The following COL26A1 variants were observed in gnomAD, a reference collection of about 807,000 sequenced individuals.
The protein encoded by COL26A1 is collagen alpha-1(XXVI) chain.
Under a neutral mutation model 59.3 loss-of-function variants are expected in COL26A1, and 41 were observed. That is an observed-to-expected ratio of 0.69 (90% CI 0.54 to 0.90). COL26A1 has a LOEUF of 0.90. COL26A1 is among the 40% of genes least tolerant of loss of function. The pLI, the probability that COL26A1 is intolerant of heterozygous loss-of-function variation, is 0.00. For missense variants in COL26A1, 612 were observed against 602.3 expected (o/e 1.02, Z -0.17); for synonymous variants, 266 against 256.0 (o/e 1.04, Z -0.37).
chr7:101,466,758 G>C (rs1793766711), intron 3 of COL26A1, among the ~76,000 whole-genome samples: 1 of 150,660 alleles, frequency 6.6e-6, no homozygotes, highest in South Asian at 2.1e-4. Flanking sequence ...TAGATGCTTA[G>C]GACTGAGATG....
chr7:101,512,996 T>TTTATTA (rs60374143), intron 3 of COL26A1, among the ~76,000 whole-genome samples: 14,200 of 149,530 alleles, frequency 0.095, 800 homozygotes, highest in Middle Eastern at 0.16. Context: ...TTTTTACAAT[T>TTTATTA]TTATTATTAT....
chr7:101,390,967 T>C (rs1791714666), intron 1 of COL26A1, among the ~76,000 whole-genome samples: 1 of 152,160 alleles, frequency 6.6e-6, no homozygotes, highest in Admixed American at 6.6e-5. Flanking sequence ...ATCCTTTCCC[T>C]CTCTAGGTCT....
At chr7:101,401,346 C>G (rs1033096854) in intron 1 of COL26A1, among the ~76,000 whole-genome samples, 1 of 152,108 alleles carries the variant, frequency 6.6e-6, no homozygotes, top group Non-Finnish European at 1.5e-5. Flanking sequence ...AAAGCTATGT[C>G]AGCGGGATGG....
chr7:101,413,360 A>G (rs1191267746), intron 1 of COL26A1, among the ~76,000 whole-genome samples: 1 of 152,138 alleles, frequency 6.6e-6, no homozygotes, highest in African/African-American at 2.4e-5. Flanking sequence ...TCTACTAAAA[A>G]TACAAAATAT....
intron 3 of COL26A1, among the ~76,000 whole-genome samples, chr7:101,510,515 C>G (rs1386770531): frequency 6.6e-6 from 1 of 152,196 alleles, no homozygotes; most frequent in East Asian, 1.9e-4. Context: ...TTTGCACCTG[C>G]TATTCCTGCC....
chr7:101,378,007 G>A (rs140583661), intron 1 of COL26A1, among the ~76,000 whole-genome samples: 300 of 152,308 alleles, frequency 2.0e-3, no homozygotes, highest in African/African-American at 7.0e-3. Context: ...TCGGACTCAG[G>A]TGATCCTCGT....
chr7:101,533,784 CA>C (rs978426088), intron 4 of COL26A1, among the ~76,000 whole-genome samples: 251 of 149,018 alleles, frequency 1.7e-3, no homozygotes, highest in African/African-American at 6.2e-3. Context: ...GAGAACGTTT[CA>C]GGGGCAGCCA....
chr7:101,368,800 C>G (rs142992077), intron 1 of COL26A1, among the ~76,000 whole-genome samples: 64 of 152,168 alleles, frequency 4.2e-4, no homozygotes, highest in African/African-American at 1.5e-3. Flanking sequence ...CCTCCTACTT[C>G]AAAGTAGTAC....
intron 3 of COL26A1, among the ~76,000 whole-genome samples, chr7:101,523,554 G>C (rs766348230): frequency 6.6e-6 from 1 of 152,082 alleles, no homozygotes; most frequent in African/African-American, 2.4e-5. Flanking sequence ...ACTTTTGCAC[G>C]TGGTATGGAT....
At chr7:101,431,560 G>A (rs1251187562) in intron 2 of COL26A1, among the ~76,000 whole-genome samples, 1 of 151,912 alleles carries the variant, frequency 6.6e-6, no homozygotes, top group Non-Finnish European at 1.5e-5. Flanking sequence ...ATGCCCGGCT[G>A]TAAGGTTTTC....
intron 3 of COL26A1, among the ~76,000 whole-genome samples, chr7:101,498,796 T>C (rs1287631128): frequency 2.7e-5 from 4 of 150,232 alleles, no homozygotes; most frequent in African/African-American, 1.0e-4. Context: ...AAGGCTATTG[T>C]TGTTGGGAGA....
At chr7:101,456,436 A>C (rs1793475017) in intron 3 of COL26A1, among the ~76,000 whole-genome samples, 1 of 151,860 alleles carries the variant, frequency 6.6e-6, no homozygotes, top group Non-Finnish European at 1.5e-5. Context: ...GCACTTTGGG[A>C]GGTGGATCAC....
intron 1 of COL26A1, among the ~76,000 whole-genome samples, chr7:101,396,099 A>T (rs993824732): frequency 4.6e-5 from 7 of 151,992 alleles, no homozygotes; most frequent in Non-Finnish European, 8.8e-5. Flanking sequence ...TTCTACCAAA[A>T]AACCAAAAAA....
intron 1 of COL26A1, among the ~76,000 whole-genome samples, chr7:101,366,391 T>A (rs1392697468): frequency 6.6e-6 from 1 of 151,600 alleles, no homozygotes; most frequent in African/African-American, 2.4e-5. Flanking sequence ...GGGCTTGGCT[T>A]CAGTTGACAG....
chr7:101,545,430 C>T lies in COL26A1; in HGVS notation c.796C>T (p.Pro266Ser), dbSNP rs767006926. ...GPPGPAGNPG[P>S]SPNSPQGALY... ...ACCCGGCCCAGCAGGCAACCCAGGC[C>T]CCTCACCAAACAGCCCCCAGGGCGC... The change falls in exon 7 of 13, where the codon CCC (proline) becomes TCC (serine). Residue 266 changes from proline (P) to serine (S), a missense_variant. Physicochemically the swap from Pro to Ser is moderately conservative, Grantham distance 74. Coordinates refer to ENST00000313669, the MANE Select transcript of COL26A1 (RefSeq NM_001278563.3). 4 of 1,608,464 alleles carry T rather than the reference C, an allele frequency of 2.5e-6. No individual in the cohort carries two copies. The highest frequency in any genetic ancestry group is 3.4e-5 in the Admixed American group (2 of 59,604).
At chr7:101,436,336 C>T (rs535649283) in intron 2 of COL26A1, among the ~76,000 whole-genome samples, 4 of 152,316 alleles carry the variant, frequency 2.6e-5, no homozygotes, top group Admixed American at 6.5e-5. Context: ...CCCTGCCTCC[C>T]GCTCTGAAAC....
intron 1 of COL26A1, among the ~76,000 whole-genome samples, chr7:101,407,472 ACT>A (rs1792153729): frequency 6.6e-6 from 1 of 151,488 alleles, no homozygotes. Context: ...CACGGCTCTA[ACT>A]CTGACATCAG....
intron 2 of COL26A1, among the ~76,000 whole-genome samples, chr7:101,442,420 G>A (rs770199507): frequency 6.6e-6 from 1 of 151,086 alleles, no homozygotes; most frequent in Non-Finnish European, 1.5e-5. Flanking sequence ...TCCGCCTCCC[G>A]GGTTCAAGGA....
rs144179393 is a variant in COL26A1, at chr7:101,475,151, G to A, written c.385+27364G>A. Among the ~76,000 whole-genome samples the A allele has an allele frequency of 3.8e-3, 568 of 150,756 alleles. 11 individuals are homozygous for A. The highest frequency in any genetic ancestry group is 0.013 in the African/African-American group (534 of 40,388). ...GCAGAGGCGGAGGTGAGCCGAGATC[G>A]CGCCACTGCACTCCAGCCTGGGCAA... On this transcript the variant is annotated intron_variant, in intron 3 of 12. Coordinates refer to ENST00000313669, the MANE Select transcript of COL26A1 (RefSeq NM_001278563.3).
Sources: gnomAD v4.1 joint callset for allele counts (sites outside exome capture counted in the v4.1 genomes callset) on GRCh38, gnomAD v4.1.1 for gene constraint, MANE v1.5 for transcripts, NCBI Gene and HGNC (gene_info 2026-07-23, HGNC 2026-07-21) for gene names.